The following TMEM69 variants were observed in gnomAD, a reference collection of about 807,000 sequenced individuals.
The protein encoded by TMEM69 is transmembrane protein 69.
In TMEM69, 17 loss-of-function variants were observed where a neutral mutation model predicts 15.8. The ratio of observed to expected loss-of-function variants is 1.07; its 90% confidence interval spans 0.73 to 1.61. The LOEUF is 1.61. TMEM69 is among the 40% of genes most tolerant of loss of function. TMEM69 has a pLI of 0.00. For synonymous variants in TMEM69, 80 were observed against 98.6 expected (o/e 0.81, Z 1.12); for missense variants, 230 against 286.1 (o/e 0.80, Z 1.41).
Position 45,693,389 on chromosome 1 carries a change from G to A in TMEM69, c.228G>A (p.Lys76=). ...CCTGCAGCTTTAAAAAGCAGCAGAA[G>A]CAAGCACTTCTAGCCAGACCCTCAA... ...TSPCSFKKQQ[K]QALLARPSST... is the part of the protein sequence containing the mutation. The change falls in exon 3 of 3, where the codon AAG becomes AAA. Residue 76 remains lysine (K), a synonymous_variant. Coordinates refer to ENST00000372025, the MANE Select transcript of TMEM69 (RefSeq NM_016486.4). 1 of 1,614,174 alleles carries A rather than the reference G, an allele frequency of 6.2e-7. No individual in the cohort carries two copies. The highest frequency in any genetic ancestry group is 1.1e-5 in the South Asian group (1 of 91,086).
At chr1:45,690,894 G>A (rs141604370) in intron 1 of TMEM69, 80 bp from the exon 2 acceptor site, 67 of 654,832 alleles carry the variant, frequency 1.0e-4, no homozygotes, top group Middle Eastern at 8.5e-4. Flanking sequence ...AAAGGAAAGT[G>A]TTATATTCAT....
In TMEM69 at chr1:45,693,925, A is replaced by G. The variant is rs1310295079; in HGVS notation, c.*20A>G. On this transcript the variant is annotated 3_prime_UTR_variant, in exon 3 of 3. Coordinates refer to ENST00000372025, the MANE Select transcript of TMEM69 (RefSeq NM_016486.4). ...GTATAAAAAATATAAAAGTCTGGGAAGTGAGGAGCACCTCTGCCCAGCTGC... is the reference window on the plus strand; with the variant it reads ...GTATAAAAAATATAAAAGTCTGGGAGGTGAGGAGCACCTCTGCCCAGCTGC... 1.3e-6 allele frequency: 2 copies of G among 1,504,742 alleles called. No individual in the cohort carries two copies. Among genetic ancestry groups the G allele is most frequent in the East Asian group, 2.3e-5 (1 of 44,200 alleles). 93.2% of individuals were successfully genotyped at this position (1,504,742 alleles called of 1,614,324 possible).
chr1:45,691,219 G>C, intron 2 of TMEM69, 109 bp downstream of exon 2: 1 of 914,094 alleles, frequency 1.1e-6, no homozygotes, highest in Non-Finnish European at 1.8e-6. Context: ...TCAGGTGATG[G>C]AGGGAAGAGT....
chr1:45,692,719 A>T (rs1050581632), intron 2 of TMEM69, among the ~76,000 whole-genome samples: 1 of 152,242 alleles, frequency 6.6e-6, no homozygotes, highest in African/African-American at 2.4e-5. Context: ...TTCTAGGCAG[A>T]GCATACACAA....
chr1:45,693,528 CCCATATT>C lies in TMEM69; in HGVS notation c.368_374del (p.Pro123GlnfsTer38). ...CATGCTGATGACAAAAACTTATATT[CCCATATT>C]AGCTTTTACTCAGATGGCTTATGGA... is the stretch of plus-strand genomic sequence containing the variant. On this transcript the variant is annotated frameshift_variant, in exon 3 of 3. Transcript: ENST00000372025. LOFTEE classifies it high-confidence loss of function. The C allele has an allele frequency of 1.9e-6, 3 of 1,614,194 alleles. No homozygotes were observed. Among genetic ancestry groups the C allele is most frequent in the Non-Finnish European group, 2.5e-6 (3 of 1,180,036 alleles).
intron 2 of TMEM69, 40 bp from the exon 3 acceptor site, chr1:45,693,164 A>G (rs763816758): frequency 7.1e-7 from 1 of 1,416,226 alleles, no homozygotes; most frequent in East Asian, 2.3e-5. Flanking sequence ...ATACATATAT[A>G]TATTTTTAAT....
chr1:45,693,969 A>C lies in TMEM69; in HGVS notation c.*64A>C. ...CAGCTGCTGCCCCGTCTGGGAAGTGAGGAGCGCCTCTGCCTGGCCGCCTGA... is the reference window on the plus strand; with the variant it reads ...CAGCTGCTGCCCCGTCTGGGAAGTGCGGAGCGCCTCTGCCTGGCCGCCTGA... On this transcript the variant is annotated 3_prime_UTR_variant, in exon 3 of 3. Transcript: ENST00000372025. 1 of 1,164,538 alleles carries C rather than the reference A, an allele frequency of 8.6e-7. No individual in the cohort carries two copies. Among genetic ancestry groups the C allele is most frequent in the Non-Finnish European group, 1.2e-6 (1 of 843,410 alleles). 72.1% of individuals were successfully genotyped at this position (1,164,538 alleles called of 1,614,324 possible). A position where few individuals can be genotyped will look rare whatever the true frequency, so the allele number is the denominator to read the frequency against.
At chr1:45,691,846 G>T (rs1029053748) in intron 2 of TMEM69, among the ~76,000 whole-genome samples, 5 of 146,866 alleles carry the variant, frequency 3.4e-5, no homozygotes, top group African/African-American at 1.3e-4. Flanking sequence ...ATCTCAAAAA[G>T]TAAAAATTAA....
rs745339030 is a variant in TMEM69, at chr1:45,693,639, C to T, written c.478C>T (p.Leu160Phe). The stretch of plus-strand genomic sequence containing the variant: ...AGGTAGTCCAGCCAAACCAGACTAC[C>T]TTAATTTAGCTAGCAGTGCAGCTCC... ...PEGSPAKPDY[L>F]NLASSAAPLF... Residue 160 changes from leucine to phenylalanine, a missense_variant, in exon 3 of 3, where the codon CTT becomes TTT. By Grantham distance (22) the Leu-to-Phe change is conservative. Coordinates refer to ENST00000372025, the MANE Select transcript of TMEM69 (RefSeq NM_016486.4). The T allele has an allele frequency of 2.5e-6, 4 of 1,614,034 alleles. No homozygotes were observed. The highest frequency in any genetic ancestry group is 3.4e-6 in the Non-Finnish European group (4 of 1,180,046).
rs758033276 is a variant in TMEM69 at position 45,694,391 on chromosome 1, A to G, written c.*486A>G. ...GAATAATATAGTTATCCACTTAAAC[A>G]TTTCAATATTTTAACCATCTTGAAA... On this transcript the variant is annotated 3_prime_UTR_variant, in exon 3 of 3. Coordinates refer to ENST00000372025, the MANE Select transcript of TMEM69 (RefSeq NM_016486.4). 3 of 1,102,792 alleles carry G rather than the reference A, an allele frequency of 2.7e-6. No individual in the cohort carries two copies. The South Asian group carries it at 4.0e-5, about 15-fold the overall frequency. The allele number at this position is 1,102,792 out of a possible 1,614,324, so 68.3% of individuals were successfully genotyped here. A position where few individuals can be genotyped will look rare whatever the true frequency, so the allele number is the denominator to read the frequency against.
At chr1:45,692,428 A>G (rs572127375) in intron 2 of TMEM69, among the ~76,000 whole-genome samples, 1 of 152,342 alleles carries the variant, frequency 6.6e-6, no homozygotes, top group South Asian at 2.1e-4. Flanking sequence ...ACTAAAACAC[A>G]GAATCAGCAG....
chr1:45,693,206 A>T lies in TMEM69; in HGVS notation c.45A>T (p.Ile15=), dbSNP rs1645356267. ...IQKFSQASSK[I]LKYSFPVGLR... is the part of the protein sequence containing the mutation. ...TTTTGGTTCTATTTTCTTTGTAGAT[A>T]CTGAAGTACTCTTTCCCAGTGGGAC... is the stretch of plus-strand genomic sequence containing the variant. The change falls in exon 3 of 3, where the codon ATA becomes ATT. Residue 15 remains isoleucine (I), a splice_region_variant and synonymous_variant. Transcript: ENST00000372025. The T allele has an allele frequency of 5.0e-6, 8 of 1,589,478 alleles. No homozygotes were observed. Among genetic ancestry groups the T allele is most frequent in the Non-Finnish European group, 6.8e-6 (8 of 1,168,186 alleles).
At position 45,693,636 on chromosome 1, in the gene TMEM69, T is replaced by C. The variant is rs200303361; in HGVS notation, c.475T>C (p.Tyr159His). The change falls in exon 3 of 3, where the codon TAC becomes CAC. Residue 159 changes from tyrosine (Y) to histidine (H), a missense_variant. Transcript: ENST00000372025. ...AGAAGGTAGTCCAGCCAAACCAGAC[T>C]ACCTTAATTTAGCTAGCAGTGCAGC... ...LPEGSPAKPD[Y>H]LNLASSAAPL... 9.4e-5 allele frequency: 151 copies of C among 1,614,110 alleles called. No homozygotes were observed. Among genetic ancestry groups the C allele is most frequent in the Non-Finnish European group, 1.2e-4 (139 of 1,180,050 alleles).
chr1:45,693,185 G>A lies in TMEM69; in HGVS notation c.43-19G>A, dbSNP rs1225074368. ...ATATATATTTTTAATTTTGTCTTTT[G>A]GTTCTATTTTCTTTGTAGATACTGA... On this transcript the variant is annotated intron_variant, in intron 2 of 2. Transcript: ENST00000372025. 1.3e-6 allele frequency: 2 copies of A among 1,518,862 alleles called. No individual in the cohort carries two copies. The highest frequency in any genetic ancestry group is 1.3e-5 in the South Asian group (1 of 79,442). 94.1% of individuals were successfully genotyped at this position (1,518,862 alleles called of 1,614,324 possible).
At chr1:45,688,667 G>A (rs981158063) in intron 1 of TMEM69, among the ~76,000 whole-genome samples, 14 of 152,078 alleles carry the variant, frequency 9.2e-5, no homozygotes, top group African/African-American at 2.9e-4. Context: ...AAATGGAGTG[G>A]TCTGGAAAGT....
At chr1:45,692,234 C>A (rs11211165) in intron 2 of TMEM69, among the ~76,000 whole-genome samples, 1 of 151,712 alleles carries the variant, frequency 6.6e-6, no homozygotes, top group Non-Finnish European at 1.5e-5. Context: ...AGTGTCAAGA[C>A]GTAGGATTGG....
intron 1 of TMEM69, 94 bp from the exon 2 acceptor site, chr1:45,690,880 T>C: frequency 1.6e-6 from 1 of 625,858 alleles, no homozygotes. Flanking sequence ...TAATGATTCT[T>C]TTCAAAGGAA....
chr1:45,688,872 AAG>A (rs572122287), intron 1 of TMEM69, among the ~76,000 whole-genome samples: 1 of 151,746 alleles, frequency 6.6e-6, no homozygotes, highest in East Asian at 1.9e-4. Context: ...ACCCAGCCCT[AAG>A]ATCTGTGATC....
rs1420995115 is a variant in TMEM69, at chr1:45,693,255, C to T, written c.94C>T (p.Leu32Phe). 6.2e-7 allele frequency: 1 copy of T among 1,614,110 alleles called. No homozygotes were observed. The highest frequency in any genetic ancestry group is 1.7e-5 in the Admixed American group (1 of 60,008). The change falls in exon 3 of 3, where the codon CTT becomes TTT. Residue 32 changes from leucine to phenylalanine, a missense_variant. By Grantham distance (22) the Leu-to-Phe change is conservative (BLOSUM62 0). Transcript: ENST00000372025. ...VGLRTSRTDI[L>F]SLKMSLQQNF... ...ACTAAGAACCAGCAGAACAGATATACTTTCTCTCAAGATGTCTCTCCAGCA... is the reference window on the plus strand; with the variant it reads ...ACTAAGAACCAGCAGAACAGATATATTTTCTCTCAAGATGTCTCTCCAGCA...
Sources: allele counts gnomAD v4.1 joint callset (sites outside exome capture counted in the v4.1 genomes callset), GRCh38; gene constraint gnomAD v4.1.1; transcripts MANE v1.5; gene names NCBI Gene and HGNC (gene_info 2026-07-23, HGNC 2026-07-21).